RBM19: variants seen among roughly 807,000 people sequenced by gnomAD.
RBM19 encodes the protein probable RNA-binding protein 19.
A neutral mutation model predicts 116.8 loss-of-function variants in RBM19; 94 were observed. The ratio of observed to expected loss-of-function variants is 0.80; its 90% CI spans 0.68 to 0.95. The LOEUF is 0.95. Ranked by LOEUF, RBM19 falls within the 40% of genes least tolerant of loss-of-function variation. RBM19 has a pLI of 0.00. For missense variants in RBM19, 1,161 were observed against 1,220.7 expected (o/e 0.95, Z 0.73); for synonymous variants, 475 against 494.1 (o/e 0.96, Z 0.51).
intron 7 of RBM19, 86 bp from the exon 8 acceptor site, chr12:113,952,676 G>A: frequency 1.9e-6 from 2 of 1,059,614 alleles, no homozygotes; most frequent in Non-Finnish European, 2.9e-6. Context: ...TTCTAAATCA[G>A]AAAGGATTAC....
chr12:113,946,670 C>G (rs1465208480), intron 11 of RBM19, among the ~76,000 whole-genome samples, 195 bp from the exon 12 acceptor site: 1 of 152,130 alleles, frequency 6.6e-6, no homozygotes, highest in East Asian at 1.9e-4. Context: ...CGTGAGGGGG[C>G]CACCTGACAC....
At chr12:113,828,766 AC>A (rs1875106152) in intron 23 of RBM19, among the ~76,000 whole-genome samples, 2 of 151,998 alleles carry the variant, frequency 1.3e-5, no homozygotes, top group East Asian at 3.9e-4. Context: ...CCAGACCCCC[AC>A]CCTCAGCTGC....
chr12:113,893,497 A>G (rs1413843091), intron 21 of RBM19, among the ~76,000 whole-genome samples: 1 of 152,166 alleles, frequency 6.6e-6, no homozygotes, highest in Non-Finnish European at 1.5e-5. Context: ...TCGCAGTAAC[A>G]TTCTTGATAA....
intron 21 of RBM19, among the ~76,000 whole-genome samples, chr12:113,879,634 C>T (rs1879965540): frequency 6.6e-6 from 1 of 151,928 alleles, no homozygotes; most frequent in Non-Finnish European, 1.5e-5. Flanking sequence ...TTCCTTCCTC[C>T]TAAGAGCTTA....
At chr12:113,932,802 A>C (rs1043433162) in intron 16 of RBM19, 1 of 150,874 alleles carries the variant, frequency 6.6e-6, no homozygotes, top group African/African-American at 2.4e-5. Context: ...GAAGTGAGAA[A>C]GGAATCAGGG....
intron 21 of RBM19, among the ~76,000 whole-genome samples, chr12:113,861,975 T>C (rs990160410): frequency 6.6e-6 from 1 of 152,228 alleles, no homozygotes; most frequent in Non-Finnish European, 1.5e-5. Context: ...AATCCTATTA[T>C]TCTTCAGAGT....
chr12:113,951,541 ACACACACACT>A (rs2135928590), intron 8 of RBM19, among the ~76,000 whole-genome samples: 1 of 151,354 alleles, frequency 6.6e-6, no homozygotes, highest in East Asian at 2.0e-4. Context: ...ACACACAAAC[ACACACACACT>A]CACACACACA....
intron 7 of RBM19, 88 bp downstream of exon 7, chr12:113,955,043 T>C (rs1047014481): frequency 3.8e-6 from 5 of 1,304,632 alleles, no homozygotes; most frequent in African/African-American, 2.9e-5. Context: ...CCGACTCTAA[T>C]GCCCCCATGC....
At chr12:113,816,761 A>C (rs1874052809) in exon 25 of RBM19, 1 of 152,192 alleles carries the variant, frequency 6.6e-6, no homozygotes, top group African/African-American at 2.4e-5. Flanking sequence ...TTTTATTATT[A>C]AGACGGCTGA....
chr12:113,854,534 A>G (rs1877723758), intron 22 of RBM19, among the ~76,000 whole-genome samples: 1 of 152,136 alleles, frequency 6.6e-6, no homozygotes, highest in Non-Finnish European at 1.5e-5. Context: ...GAAATGCCGG[A>G]TCATCACACC....
chr12:113,827,724 T>C (rs1875001302), intron 23 of RBM19, among the ~76,000 whole-genome samples: 1 of 151,898 alleles, frequency 6.6e-6, no homozygotes, highest in Non-Finnish European at 1.5e-5. Flanking sequence ...CAGGGCTGGA[T>C]TCTGAGTGGA....
chr12:113,885,867 C>CTTTTT (rs1004711498), intron 21 of RBM19, among the ~76,000 whole-genome samples: 3 of 125,276 alleles, frequency 2.4e-5, no homozygotes, highest in East Asian at 2.3e-4. Context: ...TCAGCTTTGC[C>CTTTTT]TTTTTTTTTT....
intron 21 of RBM19, among the ~76,000 whole-genome samples, chr12:113,877,854 T>C (rs1247325448): frequency 1.3e-5 from 2 of 152,186 alleles, no homozygotes; most frequent in African/African-American, 4.8e-5. Flanking sequence ...GCTCCTGCTC[T>C]CTAATGTCCA....
intron 23 of RBM19, among the ~76,000 whole-genome samples, chr12:113,842,056 G>A (rs895225529): frequency 6.6e-6 from 1 of 152,208 alleles, no homozygotes; most frequent in Non-Finnish European, 1.5e-5. Flanking sequence ...GAAGATGTAG[G>A]CAAATGAAGA....
At chr12:113,817,535 C>T (rs1172595970), downstream of RBM19, 1 of 152,274 alleles carries the variant, frequency 6.6e-6, no homozygotes, top group East Asian at 1.9e-4. Flanking sequence ...CCTGGTGGCT[C>T]TCCAGTCCCC....
intron 21 of RBM19, among the ~76,000 whole-genome samples, chr12:113,882,055 C>T (rs1880176039): frequency 6.6e-6 from 1 of 152,248 alleles, no homozygotes; most frequent in Non-Finnish European, 1.5e-5. Flanking sequence ...GGGCAAGTCA[C>T]AGAGTCCTGG....
intron 23 of RBM19, among the ~76,000 whole-genome samples, chr12:113,834,938 T>C (rs970970524): frequency 6.6e-6 from 1 of 152,206 alleles, no homozygotes; most frequent in Admixed American, 6.5e-5. Flanking sequence ...TCTCTGCACA[T>C]GGTAGGTCCA....
intron 23 of RBM19, among the ~76,000 whole-genome samples, chr12:113,832,631 A>G (rs1414552606): frequency 1.3e-5 from 2 of 152,266 alleles, no homozygotes; most frequent in East Asian, 3.9e-4. Flanking sequence ...TGAGGCCTTC[A>G]ACACCTCTGG....
chr12:113,949,209 C>T (rs571385827), intron 9 of RBM19, among the ~76,000 whole-genome samples, 173 bp from the exon 10 acceptor site: 1 of 152,304 alleles, frequency 6.6e-6, no homozygotes, highest in South Asian at 2.1e-4. Flanking sequence ...GCCAAGCCAA[C>T]ACCAGGCCTG....
Sources: allele counts gnomAD v4.1 joint callset (sites outside exome capture counted in the v4.1 genomes callset), GRCh38; gene constraint gnomAD v4.1.1; transcripts MANE v1.5; gene names NCBI Gene and HGNC (gene_info 2026-07-23, HGNC 2026-07-21).